The following CADPS2 variants were observed in gnomAD, a reference collection of about 807,000 sequenced individuals.
CADPS2 encodes the protein calcium dependent secretion activator 2.
A neutral mutation model predicts 172.5 loss-of-function variants in CADPS2; 93 were observed. The ratio of observed to expected loss-of-function variants is 0.54; its 90% confidence interval spans 0.46 to 0.64. CADPS2 has a LOEUF of 0.64. CADPS2 is among the 30% of genes least tolerant of loss of function. The probability of loss-of-function intolerance (pLI) is 0.00; values close to 1 mark genes in which losing one functional copy is unlikely to be tolerated. For missense variants in CADPS2, 1,420 were observed against 1,565.9 expected (o/e 0.91, Z 1.57); for synonymous variants, 546 against 555.2 (o/e 0.98, Z 0.23).
At chr7:122,878,690 A>G (rs2141685033) in intron 1 of CADPS2, among the ~76,000 whole-genome samples, 1 of 149,500 alleles carries the variant, frequency 6.7e-6, no homozygotes, top group East Asian at 2.0e-4. Context: ...AAATAAATAC[A>G]AAGTTGTCAT....
intron 3 of CADPS2, among the ~76,000 whole-genome samples, chr7:122,657,078 T>C (rs1285518050): frequency 1.3e-5 from 2 of 152,214 alleles, no homozygotes; most frequent in Non-Finnish European, 2.9e-5. Context: ...CCTTTCCCCA[T>C]TTCTTGTTTT....
chr7:122,626,796 T>C (rs965719255), intron 4 of CADPS2, among the ~76,000 whole-genome samples: 2 of 152,316 alleles, frequency 1.3e-5, no homozygotes, highest in Non-Finnish European at 2.9e-5. Context: ...ATAGAAAAAA[T>C]GAGGCTCGAA....
chr7:122,606,263 G>A (rs190012260), intron 6 of CADPS2, among the ~76,000 whole-genome samples: 6 of 152,198 alleles, frequency 3.9e-5, no homozygotes, highest in East Asian at 1.9e-4. Flanking sequence ...TTTGTAAAGC[G>A]GGAGAAGGAT....
chr7:122,407,170 C>T (rs1486173713), intron 20 of CADPS2, among the ~76,000 whole-genome samples: 1 of 152,164 alleles, frequency 6.6e-6, no homozygotes, highest in Non-Finnish European at 1.5e-5. Context: ...AACATGATTT[C>T]TACAATAATG....
chr7:122,477,313 G>C (rs544102347), intron 12 of CADPS2, among the ~76,000 whole-genome samples: 9 of 152,176 alleles, frequency 5.9e-5, no homozygotes, highest in Middle Eastern at 3.4e-3. Flanking sequence ...AGGAGTTCGA[G>C]ACCAGCCTGA....
chr7:122,760,500 C>T (rs1003463384), intron 1 of CADPS2, among the ~76,000 whole-genome samples: 3 of 151,948 alleles, frequency 2.0e-5, no homozygotes, highest in South Asian at 2.1e-4. Context: ...ACTGAACTAG[C>T]GGATTCCAAA....
intron 7 of CADPS2, among the ~76,000 whole-genome samples, chr7:122,566,881 A>G (rs1411997197): frequency 6.6e-6 from 1 of 152,216 alleles, no homozygotes; most frequent in Non-Finnish European, 1.5e-5. Context: ...CTCCAACATT[A>G]ATTGGACATA....
At position 122,507,011 on chromosome 7, in the gene CADPS2, A is replaced by C. The variant is rs78019611; in HGVS notation, c.1542+6238T>G. Among the ~76,000 whole-genome samples the C allele has an allele frequency of 3.9e-3, 590 of 152,286 alleles. 5 individuals carry two copies. The highest frequency in any genetic ancestry group is 0.013 in the African/African-American group (560 of 41,572). On this transcript the variant is annotated intron_variant, in intron 9 of 29. Transcript: ENST00000449022. ...TAAAATTCCACAGATAAAGTAGACT[A>C]AAAGAAAGATAAGATCCTTCTTTTC...
At chr7:122,779,861 T>C (rs1312797432) in intron 1 of CADPS2, among the ~76,000 whole-genome samples, 1 of 152,148 alleles carries the variant, frequency 6.6e-6, no homozygotes, top group Non-Finnish European at 1.5e-5. Context: ...TATTTACTTC[T>C]GGATGAGTCC....
At chr7:122,538,902 T>C (rs1417307085) in intron 8 of CADPS2, among the ~76,000 whole-genome samples, 3 of 152,008 alleles carry the variant, frequency 2.0e-5, no homozygotes, top group African/African-American at 7.2e-5. Flanking sequence ...TAAAATGTAG[T>C]AGACACTGTG....
In CADPS2 at chr7:122,423,158, C is replaced by A. The variant is rs576022344; in HGVS notation, c.2477-6994G>T. On this transcript the variant is annotated intron_variant, in intron 17 of 29. Transcript: ENST00000449022. The stretch of plus-strand genomic sequence containing the variant: ...TAAATTTTTATCTAGATTTTCTGAC[C>A]CTTCCTCCAGCTCTGGCCATAGCAA... Among the ~76,000 whole-genome samples, 4 of 151,966 alleles carry A rather than the reference C, an allele frequency of 2.6e-5. No homozygotes were observed. The South Asian group carries it at 8.3e-4, about 32-fold the overall frequency.
intron 2 of CADPS2, among the ~76,000 whole-genome samples, chr7:122,663,922 C>G (rs2080890659): frequency 6.6e-6 from 1 of 152,116 alleles, no homozygotes; most frequent in South Asian, 2.1e-4. Context: ...CTCATGCCTT[C>G]CACCACATGT....
intron 28 of CADPS2, chr7:122,338,808 C>G (rs2036307839): frequency 6.6e-6 from 1 of 152,170 alleles, no homozygotes; most frequent in Non-Finnish European, 1.5e-5. Context: ...GTCACCTAGG[C>G]TGTAGTACAG....
chr7:122,702,717 T>G (rs2086357372), intron 2 of CADPS2: 1 of 1,610,542 alleles, frequency 6.2e-7, no homozygotes, highest in Admixed American at 1.7e-5. Context: ...GAAACAGAAC[T>G]ATGCGTCGAA....
chr7:122,510,296 A>C (rs1173652322), intron 9 of CADPS2, among the ~76,000 whole-genome samples: 2 of 152,148 alleles, frequency 1.3e-5, no homozygotes, highest in African/African-American at 4.8e-5. Context: ...GAAAGCATTA[A>C]ATTCTATTTA....
At chr7:122,420,589 G>A (rs888006678) in intron 17 of CADPS2, among the ~76,000 whole-genome samples, 6 of 152,134 alleles carry the variant, frequency 3.9e-5, no homozygotes, top group Admixed American at 1.3e-4. Flanking sequence ...TTAAAAAGCC[G>A]AACATTGGGA....
chr7:122,505,369 A>T (rs1041687408), intron 9 of CADPS2, among the ~76,000 whole-genome samples: 1 of 152,194 alleles, frequency 6.6e-6, no homozygotes, highest in Non-Finnish European at 1.5e-5. Flanking sequence ...TTTTTAAAAA[A>T]TGCTAGAGAT....
intron 2 of CADPS2, among the ~76,000 whole-genome samples, chr7:122,706,119 G>A (rs2087390226): frequency 1.7e-5 from 1 of 60,084 alleles, no homozygotes; most frequent in Non-Finnish European, 2.9e-5. Context: ...TATATTCAAG[G>A]AATATATATA....
chr7:122,534,626 G>A (rs149122206), intron 8 of CADPS2, among the ~76,000 whole-genome samples: 1 of 152,130 alleles, frequency 6.6e-6, no homozygotes, highest in Non-Finnish European at 1.5e-5. Flanking sequence ...AAATTATTGA[G>A]TAAATATAGG....
Sources: allele counts gnomAD v4.1 joint callset (sites outside exome capture counted in the v4.1 genomes callset), GRCh38; gene constraint gnomAD v4.1.1; transcripts MANE v1.5; gene names NCBI Gene and HGNC (gene_info 2026-07-23, HGNC 2026-07-21).